Variants in SOX5 observed in about 807,000 individuals in gnomAD.
SOX5 encodes the protein SRY-box transcription factor 5.
A neutral mutation model predicts 92.0 loss-of-function variants in SOX5; 9 were observed. The ratio of observed to expected loss-of-function variants is 0.10; its 90% confidence interval spans 0.06 to 0.17. The LOEUF (loss-of-function observed/expected upper bound fraction) is 0.17. Ranked by LOEUF, SOX5 falls within the 10% of genes least tolerant of loss-of-function variation. The probability of loss-of-function intolerance (pLI) is 1.00; values close to 1 mark genes in which losing one functional copy is unlikely to be tolerated. For synonymous variants in SOX5, 344 were observed against 336.3 expected (o/e 1.02, Z -0.25); for missense variants, 642 against 944.5 (o/e 0.68, Z 4.20).
At chr12:24,286,544 T>C (rs749150477) in intron 2 of SOX5, among the ~76,000 whole-genome samples, 124 of 150,918 alleles carry the variant, frequency 8.2e-4, no homozygotes, top group Non-Finnish European at 1.3e-3. Flanking sequence ...TTTAAATATA[T>C]AAATTTTTTT....
At chr12:23,622,559 TGTGAA>T (rs1428519638) in intron 8 of SOX5, among the ~76,000 whole-genome samples, 5 of 152,102 alleles carry the variant, frequency 3.3e-5, no homozygotes, top group Non-Finnish European at 7.4e-5. Context: ...ATCCATCAGA[TGTGAA>T]GTGAAAATAT....
intron 1 of SOX5, among the ~76,000 whole-genome samples, chr12:24,423,467 C>A (rs1382507044): frequency 1.3e-5 from 2 of 152,168 alleles, no homozygotes; most frequent in African/African-American, 4.8e-5. Flanking sequence ...TTCAATGAGG[C>A]TCAAAGACGG....
At chr12:23,736,292 T>C (rs999276595) in intron 5 of SOX5, among the ~76,000 whole-genome samples, 7 of 151,860 alleles carry the variant, frequency 4.6e-5, no homozygotes, top group African/African-American at 1.7e-4. Flanking sequence ...AAACCCCATC[T>C]CTACTAAAAA....
rs568336471 is a variant in SOX5 at position 24,561,216 on chromosome 12, G to T, written c.-251+1113C>A. ...CAGAGTGCCTGGACTGCCTGGCACC[G>T]AGTGTAGGGCTCTGCATATTCACAG... is the stretch of plus-strand genomic sequence containing the variant. On this transcript the variant is annotated intron_variant, in intron 1 of 4. Coordinates refer to the SOX5 transcript ENST00000446891. Among the ~76,000 whole-genome samples, 12 of 152,308 alleles carry T rather than the reference G, an allele frequency of 7.9e-5. No homozygotes were observed. In the South Asian group the frequency reaches 2.3e-3, roughly 29 times the overall value.
At chr12:24,544,453 T>C (rs1317314077) in intron 1 of SOX5, among the ~76,000 whole-genome samples, 1 of 152,222 alleles carries the variant, frequency 6.6e-6, no homozygotes, top group Non-Finnish European at 1.5e-5. Context: ...AAAAGCATTC[T>C]GGGATATAAG....
intron 4 of SOX5, among the ~76,000 whole-genome samples, chr12:24,142,526 T>G (rs76100440): frequency 1.9e-3 from 286 of 152,076 alleles, no homozygotes; most frequent in Middle Eastern, 0.014. Context: ...GATACTTTAC[T>G]TTTTACGTAA....
chr12:24,310,468 T>A (rs1949061816), intron 2 of SOX5, among the ~76,000 whole-genome samples: 1 of 152,180 alleles, frequency 6.6e-6, no homozygotes, highest in Non-Finnish European at 1.5e-5. Context: ...AACATTTTTT[T>A]AACATTTAAA....
Position 23,551,210 on chromosome 12 carries a change from C to T in SOX5, c.1489-4786G>A, listed in dbSNP as rs553942520. On this transcript the variant is annotated intron_variant, in intron 11 of 14. Transcript: ENST00000451604. ...ATGGTCTTCTACTATATTAACGACA[C>T]GGGAAGAAAGAAACAAAAAACCCTC... Among the ~76,000 whole-genome samples the T allele has an allele frequency of 1.3e-4, 19 of 151,904 alleles. No homozygotes were observed. The South Asian group carries it at 3.5e-3, about 28-fold the overall frequency.
intron 2 of SOX5, among the ~76,000 whole-genome samples, chr12:24,348,263 A>C (rs902873947): frequency 1.2e-4 from 19 of 152,082 alleles, no homozygotes; most frequent in Admixed American, 7.2e-4. Context: ...ATGATAATGC[A>C]GTCCCAAATT....
At chr12:24,078,532 A>T (rs1348895519) in intron 4 of SOX5, among the ~76,000 whole-genome samples, 5 of 152,102 alleles carry the variant, frequency 3.3e-5, no homozygotes, top group Non-Finnish European at 4.4e-5. Flanking sequence ...AAGTCATTGA[A>T]GGCTTTCAAT....
chr12:24,121,145 C>T (rs1565477736), intron 4 of SOX5, among the ~76,000 whole-genome samples: 1 of 152,142 alleles, frequency 6.6e-6, no homozygotes, highest in African/African-American at 2.4e-5. Context: ...TACGTTGTAA[C>T]ATTATTATTT....
At chr12:24,203,007 C>T (rs75648290) in intron 4 of SOX5, among the ~76,000 whole-genome samples, 7 of 152,154 alleles carry the variant, frequency 4.6e-5, no homozygotes, top group African/African-American at 1.7e-4. Flanking sequence ...TTTGATGATT[C>T]TTGCCTGAAA....
intron 11 of SOX5, among the ~76,000 whole-genome samples, chr12:23,553,383 C>T (rs922560514): frequency 3.3e-5 from 5 of 151,688 alleles, no homozygotes; most frequent in African/African-American, 9.7e-5. Context: ...CCCTATGGCC[C>T]GGATGTGTAA....
rs563104293 is a variant in SOX5, at chr12:24,483,490, T to C, written c.-251+78839A>G. On this transcript the variant is annotated intron_variant, in intron 1 of 4. Coordinates refer to the SOX5 transcript ENST00000446891. ...CTAATTATGAGGGCAGTCTTGTTAA[T>C]CAAAACTAAAGCAAATGAGTACTTG... Among the ~76,000 whole-genome samples, 171 of 152,356 alleles carry C rather than the reference T, an allele frequency of 1.1e-3. 3 individuals carry two copies. The South Asian group carries it at 0.019, about 17-fold the overall frequency.
chr12:23,595,184 T>G (rs1450450892), intron 9 of SOX5, among the ~76,000 whole-genome samples: 2 of 152,270 alleles, frequency 1.3e-5, no homozygotes, highest in East Asian at 3.9e-4. Context: ...ATGGTAGATG[T>G]AAACATAGGG....
intron 6 of SOX5, among the ~76,000 whole-genome samples, chr12:23,673,862 A>C (rs1390421512): frequency 1.3e-5 from 2 of 152,138 alleles, no homozygotes; most frequent in African/African-American, 2.4e-5. Flanking sequence ...ACCATTGTGA[A>C]TATACCAAAA....
At chr12:24,136,243 T>C (rs991463844) in intron 4 of SOX5, among the ~76,000 whole-genome samples, 15 of 152,216 alleles carry the variant, frequency 9.9e-5, no homozygotes, top group African/African-American at 3.1e-4. Flanking sequence ...CAGAGAGTCC[T>C]CAAGGGATGC....
chr12:23,749,252 T>C (rs752666119), intron 4 of SOX5, among the ~76,000 whole-genome samples: 1 of 151,946 alleles, frequency 6.6e-6, no homozygotes, highest in Non-Finnish European at 1.5e-5. Flanking sequence ...GCAATATAGA[T>C]ACCCGTCAGA....
chr12:23,640,631 C>T (rs1449662711), intron 8 of SOX5, among the ~76,000 whole-genome samples, 181 bp downstream of exon 8: 1 of 152,102 alleles, frequency 6.6e-6, no homozygotes, highest in African/African-American at 2.4e-5. Flanking sequence ...GTGCAGAAAA[C>T]AGGGCTAAAA....
Sources: gnomAD v4.1 joint callset for allele counts (sites outside exome capture counted in the v4.1 genomes callset) on GRCh38, gnomAD v4.1.1 for gene constraint, MANE v1.5 for transcripts, NCBI Gene and HGNC (gene_info 2026-07-23, HGNC 2026-07-21) for gene names.